SLCO3A1: variants seen among roughly 807,000 people sequenced by gnomAD.
The protein encoded by SLCO3A1 is solute carrier organic anion transporter family member 3A1.
Under a neutral mutation model 63.1 loss-of-function variants are expected in SLCO3A1, and 27 were observed. The observed-to-expected ratio is 0.43, with a 90% confidence interval of 0.32 to 0.59. SLCO3A1 has a LOEUF of 0.59. Ranked by LOEUF, SLCO3A1 falls within the 20% of genes least tolerant of loss-of-function variation. The pLI, the probability that SLCO3A1 is intolerant of heterozygous loss-of-function variation, is 0.09. For missense variants in SLCO3A1, 773 were observed against 945.8 expected, an observed-to-expected ratio of 0.82 and a Z score of 2.40; for synonymous variants, 473 against 409.9, an observed-to-expected ratio of 1.15 and a Z score of -1.86.
In SLCO3A1 at chr15:91,862,017, G is replaced by T. The variant is rs955586471; in HGVS notation, c.180+7929G>T. Reference sequence around the variant, plus strand: ...ACTCATCTTTCCCTTTTGCCCTCATGATTTCCTTTATAAATACCCCTGCCA... The same window carrying T: ...ACTCATCTTTCCCTTTTGCCCTCATTATTTCCTTTATAAATACCCCTGCCA... On this transcript the variant is annotated intron_variant, in intron 1 of 9. Coordinates refer to ENST00000318445, the MANE Select transcript of SLCO3A1 (RefSeq NM_013272.4). The surrounding 1 kb of genome is among the most constrained non-coding windows in gnomAD (Gnocchi z 4.0). Among the ~76,000 whole-genome samples, 6 of 151,980 alleles carry T rather than the reference G, an allele frequency of 3.9e-5. No homozygotes were observed. The highest frequency in any genetic ancestry group is 3.9e-4 in the Admixed American group (6 of 15,260).
intron 4 of SLCO3A1, among the ~76,000 whole-genome samples, chr15:92,117,590 A>C (rs116582580): frequency 0.016 from 2,494 of 152,304 alleles, 71 homozygotes; most frequent in African/African-American, 0.057. Context: ...ATTCAAATGT[A>C]TTCATTACAA....
chr15:91,898,050 G>A (rs1268754241), intron 1 of SLCO3A1, among the ~76,000 whole-genome samples: 1 of 152,194 alleles, frequency 6.6e-6, no homozygotes, highest in African/African-American at 2.4e-5. Context: ...TTTTCTAAGT[G>A]TGAAGTTGGA....
rs186810178 is a variant in SLCO3A1, at chr15:91,909,765, G to A, written c.181-6228G>A. Among the ~76,000 whole-genome samples, 7 of 152,294 alleles carry A rather than the reference G, an allele frequency of 4.6e-5. No individual in the cohort carries two copies. In the East Asian group the frequency reaches 1.2e-3, roughly 25 times the overall value. On this transcript the variant is annotated intron_variant, in intron 1 of 9. Coordinates refer to ENST00000318445, the MANE Select transcript of SLCO3A1 (RefSeq NM_013272.4). ...CCAGACTGAGCCAGGTGAGACTCTC[G>A]CAGGGACCTTTCGGCTCCACCTTGT...
intron 9 of SLCO3A1, among the ~76,000 whole-genome samples, chr15:92,154,321 G>A (rs545758330): frequency 1.1e-3 from 168 of 152,362 alleles, no homozygotes; most frequent in Middle Eastern, 6.8e-3. Context: ...TATGAGACAG[G>A]AAGAAAGGAT....
At chr15:92,019,619 G>A (rs1404151755) in intron 2 of SLCO3A1, among the ~76,000 whole-genome samples, 1 of 152,172 alleles carries the variant, frequency 6.6e-6, no homozygotes, top group South Asian at 2.1e-4. Context: ...AGAAATCTAG[G>A]GTTGTGGGGA....
chr15:91,874,785 T>C (rs1465680127), intron 1 of SLCO3A1, among the ~76,000 whole-genome samples: 1 of 152,238 alleles, frequency 6.6e-6, no homozygotes, highest in African/African-American at 2.4e-5. Context: ...CAGTTGTCAT[T>C]CCACAGAACA....
intron 2 of SLCO3A1, among the ~76,000 whole-genome samples, chr15:92,048,428 A>G (rs543199425): frequency 6.6e-6 from 1 of 152,072 alleles, no homozygotes; most frequent in Non-Finnish European, 1.5e-5. Flanking sequence ...GACTGCAATA[A>G]TCCAGACTTC....
chr15:91,889,000 A>G (rs1897798971), intron 1 of SLCO3A1: 1 of 396,662 alleles, frequency 2.5e-6, no homozygotes. Flanking sequence ...CAAGAGTGAG[A>G]CTGTCTCTAA....
At chr15:92,056,284 G>C (rs1034447285) in intron 2 of SLCO3A1, among the ~76,000 whole-genome samples, 2 of 152,152 alleles carry the variant, frequency 1.3e-5, no homozygotes, top group African/African-American at 4.8e-5. Flanking sequence ...TTACAGTTAA[G>C]TGAATACAAT....
intron 1 of SLCO3A1, among the ~76,000 whole-genome samples, chr15:91,880,409 C>CTGTGTGTGTGTGTG (rs58932263): frequency 7.0e-6 from 1 of 142,276 alleles, no homozygotes; most frequent in African/African-American, 2.7e-5. Context: ...CTCTCTCTCT[C>CTGTGTGTGTGTGTG]TGTGTGTGTG....
chr15:92,094,768 T>C (rs185305917), intron 2 of SLCO3A1, 113 bp from the exon 3 acceptor site: 35 of 677,758 alleles, frequency 5.2e-5, no homozygotes, highest in Middle Eastern at 3.9e-4. Context: ...TTTAGATGAA[T>C]TCCTAATGTC....
At chr15:92,148,927 A>G (rs1202813143) in intron 8 of SLCO3A1, 3 of 152,232 alleles carry the variant, frequency 2.0e-5, no homozygotes, top group East Asian at 3.8e-4. Context: ...GATGATTATA[A>G]TATGCATTTG....
rs183571375 is a variant in SLCO3A1, at chr15:92,086,113, T to C, written c.647-8768T>C. On this transcript the variant is annotated intron_variant, in intron 2 of 9. Coordinates refer to ENST00000318445, the MANE Select transcript of SLCO3A1 (RefSeq NM_013272.4). ...GCATTCTTGGATGCTTCTCCAAGAA[T>C]GTGCAGTCCGTCAGCACACTTGCTG... Among the ~76,000 whole-genome samples the C allele has an allele frequency of 1.5e-3, 225 of 152,358 alleles. 1 individual carries two copies. Among genetic ancestry groups the C allele is most frequent in the African/African-American group, 5.1e-3 (213 of 41,584 alleles).
intron 4 of SLCO3A1, among the ~76,000 whole-genome samples, chr15:92,118,622 G>A (rs1431594810): frequency 6.6e-6 from 1 of 152,192 alleles, no homozygotes; most frequent in African/African-American, 2.4e-5. Flanking sequence ...GATTGAGCCT[G>A]ATAATTAGCT....
At chr15:92,125,585 C>CT (rs1322495679) in intron 5 of SLCO3A1, among the ~76,000 whole-genome samples, 2 of 152,226 alleles carry the variant, frequency 1.3e-5, no homozygotes, top group East Asian at 3.9e-4. Flanking sequence ...AGCCTCCGTA[C>CT]TTTCCGTGAA....
intron 2 of SLCO3A1, among the ~76,000 whole-genome samples, chr15:92,004,974 A>T (rs1322605253): frequency 6.6e-6 from 1 of 152,250 alleles, no homozygotes; most frequent in Non-Finnish European, 1.5e-5. Flanking sequence ...ACTCTTTTAA[A>T]GCCTCTGAAA....
At chr15:91,973,972 A>G (rs1482067753) in intron 2 of SLCO3A1, among the ~76,000 whole-genome samples, 2 of 152,070 alleles carry the variant, frequency 1.3e-5, no homozygotes, top group Admixed American at 6.5e-5. Flanking sequence ...TACATTTTCT[A>G]TATTCAGTAA....
At chr15:91,939,186 G>A (rs1378911159) in intron 2 of SLCO3A1, among the ~76,000 whole-genome samples, 1 of 152,160 alleles carries the variant, frequency 6.6e-6, no homozygotes, top group Admixed American at 6.5e-5. Context: ...ATGGTAGAAG[G>A]GAAAGGAGGA....
At chr15:92,042,026 T>TGGAAGCA (rs1281406870) in intron 2 of SLCO3A1, among the ~76,000 whole-genome samples, 1 of 152,066 alleles carries the variant, frequency 6.6e-6, no homozygotes, top group Non-Finnish European at 1.5e-5. Flanking sequence ...AAAGAGTGGG[T>TGGAAGCA]GGAAGCAGGC....
Sources: allele counts gnomAD v4.1 joint callset (sites outside exome capture counted in the v4.1 genomes callset), GRCh38; gene constraint gnomAD v4.1.1; non-coding constraint Gnocchi (gnomAD v3.1); transcripts MANE v1.5; gene names NCBI Gene and HGNC (gene_info 2026-07-23, HGNC 2026-07-21).